CSMD1: variants seen among roughly 807,000 people sequenced by gnomAD.
CSMD1 encodes CUB and sushi domain-containing protein 1.
A neutral mutation model predicts 417.5 loss-of-function variants in CSMD1; 213 were observed. The observed-to-expected ratio is 0.51, with a 90% confidence interval of 0.46 to 0.57. The LOEUF is 0.57. Among genes scored for constraint, CSMD1 ranks in the 20% least tolerant of loss-of-function variants. The pLI, the probability that CSMD1 is intolerant of heterozygous loss-of-function variation, is 0.00. For synonymous variants in CSMD1, 2,862 were observed against 1,736.8 expected, an observed-to-expected ratio of 1.65 and a Z score of -16.11; for missense variants, 6,923 against 4,529.7, an observed-to-expected ratio of 1.53 and a Z score of -15.17.
intron 3 of CSMD1, among the ~76,000 whole-genome samples, chr8:4,198,357 G>C (rs185051954): frequency 6.6e-6 from 1 of 152,214 alleles, no homozygotes; most frequent in Non-Finnish European, 1.5e-5. Context: ...GCTAAGCCAG[G>C]AGCCTGAACT....
chr8:4,630,589 A>T (rs1213377572), intron 2 of CSMD1, among the ~76,000 whole-genome samples: 1 of 152,242 alleles, frequency 6.6e-6, no homozygotes, highest in Non-Finnish European at 1.5e-5. Flanking sequence ...TGAAAGATAC[A>T]TTGAGGAAAA....
intron 1 of CSMD1, among the ~76,000 whole-genome samples, chr8:4,866,486 A>G (rs964350547): frequency 6.6e-6 from 1 of 151,974 alleles, no homozygotes; most frequent in African/African-American, 2.4e-5. Context: ...GCATTTTAGC[A>G]TCTACTTTAT....
intron 3 of CSMD1, among the ~76,000 whole-genome samples, chr8:4,179,200 A>C (rs1010199284): frequency 4.6e-5 from 7 of 152,174 alleles, no homozygotes; most frequent in Non-Finnish European, 1.0e-4. Flanking sequence ...ACAGAAACCA[A>C]AACAGCATGG....
chr8:4,081,924 A>C (rs1277708261), intron 3 of CSMD1, among the ~76,000 whole-genome samples: 2 of 152,190 alleles, frequency 1.3e-5, no homozygotes, highest in African/African-American at 4.8e-5. Context: ...TGTGTAGCTT[A>C]AATACTTATA....
chr8:4,436,263 T>G (rs921131593), intron 2 of CSMD1, among the ~76,000 whole-genome samples: 1 of 152,138 alleles, frequency 6.6e-6, no homozygotes, highest in Non-Finnish European at 1.5e-5. Context: ...ATAAAAATAT[T>G]TTAATACCCA....
chr8:3,090,896 A>T (rs1814895878), intron 48 of CSMD1, among the ~76,000 whole-genome samples: 1 of 152,122 alleles, frequency 6.6e-6, no homozygotes, highest in Non-Finnish European at 1.5e-5. Flanking sequence ...ATGTCTAATA[A>T]ATATATTGAC....
chr8:4,380,331 T>A (rs768104177), intron 3 of CSMD1, among the ~76,000 whole-genome samples: 3 of 152,138 alleles, frequency 2.0e-5, no homozygotes, highest in Non-Finnish European at 4.4e-5. Flanking sequence ...CCTCCTTACA[T>A]TGTCATGGGA....
At chr8:4,806,690 G>A (rs774562652) in intron 1 of CSMD1, among the ~76,000 whole-genome samples, 2 of 152,206 alleles carry the variant, frequency 1.3e-5, no homozygotes, top group Non-Finnish European at 2.9e-5. Flanking sequence ...CGCAGTGCCT[G>A]TGAGTTTCAT....
intron 3 of CSMD1, among the ~76,000 whole-genome samples, chr8:4,178,540 T>C (rs1263275845): frequency 2.0e-5 from 3 of 151,204 alleles, no homozygotes; most frequent in African/African-American, 7.3e-5. Flanking sequence ...ATGCCCTCTC[T>C]CACCACTCCT....
chr8:3,375,664 T>C (rs931637547), intron 18 of CSMD1, among the ~76,000 whole-genome samples: 1 of 152,086 alleles, frequency 6.6e-6, no homozygotes, highest in African/African-American at 2.4e-5. Flanking sequence ...GGGAGTAAAT[T>C]GGGGCAGTCC....
intron 21 of CSMD1, among the ~76,000 whole-genome samples, chr8:3,349,817 A>C (rs1808276133): frequency 6.9e-6 from 1 of 143,914 alleles, no homozygotes; most frequent in South Asian, 2.1e-4. Flanking sequence ...ATAAATATAC[A>C]TATAAAATAT....
intron 3 of CSMD1, among the ~76,000 whole-genome samples, chr8:4,397,523 CTTTTTTTTT>C (rs57745028): frequency 0.017 from 1,029 of 59,962 alleles, 15 homozygotes; most frequent in East Asian, 0.14. Context: ...GCCTGAGACT[CTTTTTTTTT>C]TTTTTTTTTT....
At chr8:4,090,325 A>G (rs1281644821) in intron 3 of CSMD1, among the ~76,000 whole-genome samples, 1 of 152,236 alleles carries the variant, frequency 6.6e-6, no homozygotes, top group South Asian at 2.1e-4. Context: ...ATAAAGAAAC[A>G]TTAAACATGA....
intron 1 of CSMD1, among the ~76,000 whole-genome samples, chr8:4,697,805 T>C (rs1206765121): frequency 6.6e-6 from 1 of 152,228 alleles, no homozygotes. Context: ...ATTCTCATTC[T>C]GTAAGCCATA....
At chr8:4,672,037 C>G (rs1196449081) in intron 1 of CSMD1, among the ~76,000 whole-genome samples, 3 of 152,102 alleles carry the variant, frequency 2.0e-5, no homozygotes, top group Admixed American at 2.0e-4. Context: ...GTGATGACAC[C>G]AAGGCAGTCC....
chr8:4,056,038 G>A (rs904150032), intron 3 of CSMD1, among the ~76,000 whole-genome samples: 10 of 147,686 alleles, frequency 6.8e-5, no homozygotes, highest in African/African-American at 2.5e-4. Flanking sequence ...TGGGAAAATT[G>A]AACTCAACCC....
chr8:3,225,339 T>C (rs1342656782), intron 27 of CSMD1, among the ~76,000 whole-genome samples: 1 of 151,880 alleles, frequency 6.6e-6, no homozygotes, highest in Non-Finnish European at 1.5e-5. Context: ...TCAAGAGTAA[T>C]ATGATATAAT....
At chr8:4,398,193 G>A (rs1450935651) in intron 3 of CSMD1, among the ~76,000 whole-genome samples, 1 of 152,148 alleles carries the variant, frequency 6.6e-6, no homozygotes, top group East Asian at 1.9e-4. Context: ...CCAAGTAGCT[G>A]AGAATGTAGA....
intron 3 of CSMD1, among the ~76,000 whole-genome samples, chr8:4,340,587 A>G (rs1453228994): frequency 6.6e-6 from 1 of 152,064 alleles, no homozygotes; most frequent in Non-Finnish European, 1.5e-5. Flanking sequence ...CACCCTGCTG[A>G]TTTCTTCACA....
Sources: gnomAD v4.1 joint callset for allele counts (sites outside exome capture counted in the v4.1 genomes callset) on GRCh38, gnomAD v4.1.1 for gene constraint, MANE v1.5 for transcripts, NCBI Gene and HGNC (gene_info 2026-07-23, HGNC 2026-07-21) for gene names.